The following TRAPPC12 variants were observed in gnomAD, a reference collection of about 807,000 sequenced individuals.
TRAPPC12 encodes the protein TPR repeat protein 15.
Under a neutral mutation model 69.2 loss-of-function variants are expected in TRAPPC12, and 61 were observed. The ratio of observed to expected loss-of-function variants is 0.88; its 90% CI spans 0.72 to 1.09. TRAPPC12 has a LOEUF of 1.09. Among genes scored for constraint, TRAPPC12 ranks in the 50% least tolerant of loss-of-function variants. The probability of loss-of-function intolerance (pLI) is 0.00; values close to 1 mark genes in which losing one functional copy is unlikely to be tolerated. For synonymous variants in TRAPPC12, 469 were observed against 438.9 expected, an observed-to-expected ratio of 1.07 and a Z score of -0.86; for missense variants, 1,101 against 1,016.4, an observed-to-expected ratio of 1.08 and a Z score of -1.13.
At chr2:3,429,143 A>G (rs746750319) in intron 5 of TRAPPC12, among the ~76,000 whole-genome samples, 1 of 152,168 alleles carries the variant, frequency 6.6e-6, no homozygotes, top group South Asian at 2.1e-4. Context: ...TTAGAAGCCA[A>G]CTGGCTGGGG....
In TRAPPC12 at chr2:3,388,668, C is replaced by A. The variant is rs1417845884; in HGVS notation, c.1045C>A (p.Gln349Lys). ...GCCGGGCCTCAGGTTCGACAACATC[C>A]AGGTGAGCCCGGGTCTCCCACCTCC... ...TMPGLRFDNI[Q>K]GDAVKDLMLR... Residue 349 changes from glutamine to lysine, a missense_variant and splice_region_variant, in exon 2 of 12, where the codon CAG (glutamine) becomes AAG (lysine). By Grantham distance (53) the Gln-to-Lys change is moderately conservative. Coordinates refer to ENST00000324266, the MANE Select transcript of TRAPPC12 (RefSeq NM_016030.6). 6.5e-7 allele frequency: 1 copy of A among 1,544,904 alleles called. No individual in the cohort carries two copies.
chr2:3,421,578 C>A, intron 3 of TRAPPC12: 1 of 603,200 alleles, frequency 1.7e-6, no homozygotes. Context: ...ATGTGCGGAG[C>A]TTTCCAATAA....
chr2:3,479,168 G>C (rs774581624), intron 11 of TRAPPC12, 51 bp from the exon 12 acceptor site: 1 of 1,584,062 alleles, frequency 6.3e-7, no homozygotes, highest in Admixed American at 1.7e-5. Flanking sequence ...GGAATGGGCG[G>C]GCGTCTGTCC....
At chr2:3,398,378 G>T (rs1357833726) in intron 2 of TRAPPC12, among the ~76,000 whole-genome samples, 2 of 152,132 alleles carry the variant, frequency 1.3e-5, no homozygotes, top group African/African-American at 4.8e-5. Flanking sequence ...TTGGGTTTGG[G>T]TTTTAATTGT....
intron 3 of TRAPPC12, among the ~76,000 whole-genome samples, chr2:3,405,993 C>A (rs982939354): frequency 2.0e-5 from 3 of 152,154 alleles, no homozygotes; most frequent in African/African-American, 7.2e-5. Flanking sequence ...CTGTAACTGG[C>A]GGGAATCCCG....
intron 1 of TRAPPC12, among the ~76,000 whole-genome samples, chr2:3,385,445 T>G (rs1170073404): frequency 1.3e-5 from 2 of 152,214 alleles, no homozygotes; most frequent in African/African-American, 2.4e-5. Context: ...GTTTTTAAGC[T>G]TTATAATTTA....
intron 6 of TRAPPC12, among the ~76,000 whole-genome samples, chr2:3,451,632 TTCTGCCTCG>T (rs1194982682): frequency 6.6e-6 from 1 of 152,170 alleles, no homozygotes; most frequent in Non-Finnish European, 1.5e-5. Context: ...CAAGCAATTC[TTCTGCCTCG>T]CCCTCCTGAG....
At chr2:3,433,001 T>G (rs1328615091) in intron 5 of TRAPPC12, among the ~76,000 whole-genome samples, 1 of 152,238 alleles carries the variant, frequency 6.6e-6, no homozygotes, top group African/African-American at 2.4e-5. Flanking sequence ...ATATTTAAGG[T>G]ATTTTTTTCT....
At chr2:3,381,339 C>T (rs1660196778) in intron 1 of TRAPPC12, among the ~76,000 whole-genome samples, 2 of 152,070 alleles carry the variant, frequency 1.3e-5, no homozygotes, top group African/African-American at 4.8e-5. Flanking sequence ...TGTCTGTGTC[C>T]AGGAAATGAA....
chr2:3,440,599 AT>A (rs1465874613), intron 5 of TRAPPC12, among the ~76,000 whole-genome samples: 2 of 152,050 alleles, frequency 1.3e-5, no homozygotes, highest in Non-Finnish European at 2.9e-5. Context: ...GTTCTTTATA[AT>A]TATGTCATTG....
intron 5 of TRAPPC12, among the ~76,000 whole-genome samples, chr2:3,436,880 C>A (rs1274416069): frequency 7.4e-6 from 1 of 135,418 alleles, no homozygotes; most frequent in Non-Finnish European, 1.6e-5. Flanking sequence ...ATTAATCTCC[C>A]CACCACCCCT....
intron 3 of TRAPPC12, among the ~76,000 whole-genome samples, chr2:3,419,463 C>G (rs1215864536): frequency 6.6e-6 from 1 of 152,124 alleles, no homozygotes; most frequent in Admixed American, 6.5e-5. Context: ...GAACTGTCAA[C>G]CAGAACACAG....
chr2:3,446,479 C>G (rs983354157), intron 6 of TRAPPC12, among the ~76,000 whole-genome samples: 4 of 152,200 alleles, frequency 2.6e-5, no homozygotes, highest in East Asian at 1.9e-4. Context: ...AGGGAAAGAC[C>G]CAGGGCATGA....
At chr2:3,407,584 C>G (rs1304417923) in intron 3 of TRAPPC12, among the ~76,000 whole-genome samples, 2 of 152,002 alleles carry the variant, frequency 1.3e-5, no homozygotes, top group African/African-American at 4.8e-5. Context: ...GGGCAGATCA[C>G]GAGGTCAGGA....
rs1466545226 is a variant in TRAPPC12 at position 3,388,254 on chromosome 2, G to A, written c.631G>A (p.Gly211Arg). ...QPSPSLSTFF[G>R]DTAASHSLAS... The stretch of plus-strand genomic sequence containing the variant: ...CAGCCCCAGCCTCAGCACGTTCTTC[G>A]GAGACACGGCCGCCAGCCACTCCTT... Residue 211 changes from glycine (G) to arginine (R), a missense_variant, in exon 2 of 12, where the codon GGA (glycine) becomes AGA (arginine). Transcript: ENST00000324266. 2.5e-6 allele frequency: 4 copies of A among 1,608,476 alleles called. No homozygotes were observed. Among genetic ancestry groups the A allele is most frequent in the South Asian group, 2.2e-5 (2 of 90,624 alleles).
At chr2:3,387,585 A>C in intron 1 of TRAPPC12, 35 bp from the exon 2 acceptor site, 1 of 1,452,286 alleles carries the variant, frequency 6.9e-7, no homozygotes, top group Non-Finnish European at 9.2e-7. Context: ...AATGAAGATC[A>C]CGCTCAGGGG....
chr2:3,431,692 G>T (rs2103074092), intron 5 of TRAPPC12, among the ~76,000 whole-genome samples: 1 of 152,172 alleles, frequency 6.6e-6, no homozygotes, highest in South Asian at 2.1e-4. Context: ...TTATATCCAT[G>T]AAAATATTTC....
intron 10 of TRAPPC12, chr2:3,478,091 A>T (rs1666374843): frequency 4.6e-6 from 1 of 217,496 alleles, no homozygotes; most frequent in Non-Finnish European, 9.0e-6. Context: ...TTGCTGGCGT[A>T]GCGGCCGTTC....
chr2:3,383,422 G>A (rs548860386), intron 1 of TRAPPC12, among the ~76,000 whole-genome samples: 8 of 124,028 alleles, frequency 6.5e-5, no homozygotes, highest in South Asian at 6.1e-4. Flanking sequence ...CGCCCGAGAC[G>A]GAGTCTTTCT....
Sources: allele counts gnomAD v4.1 joint callset (sites outside exome capture counted in the v4.1 genomes callset), GRCh38; gene constraint gnomAD v4.1.1; transcripts MANE v1.5; gene names NCBI Gene and HGNC (gene_info 2026-07-23, HGNC 2026-07-21).